AMPH: variants seen among roughly 807,000 people sequenced by gnomAD.
AMPH encodes amphiphysin, also known as amphiphysin (Stiff-Mann syndrome with breast cancer 128kD autoantigen).
A neutral mutation model predicts 99.1 loss-of-function variants in AMPH; 49 were observed. That is an observed-to-expected ratio of 0.49 (90% CI 0.39 to 0.63). The LOEUF is 0.63. Among genes scored for constraint, AMPH ranks in the 20% least tolerant of loss-of-function variants. The pLI, the probability that AMPH is intolerant of heterozygous loss-of-function variation, is 0.00. For synonymous variants in AMPH, 314 were observed against 317.3 expected (o/e 0.99, Z 0.11); for missense variants, 759 against 863.4 (o/e 0.88, Z 1.52).
chr7:38,543,435 A>T (rs531653722), intron 1 of AMPH, among the ~76,000 whole-genome samples: 58 of 152,188 alleles, frequency 3.8e-4, no homozygotes, highest in Non-Finnish European at 7.1e-4. Context: ...AAGCAGATAG[A>T]TAGAATATGT....
At chr7:38,515,475 ACCAT>A (rs1163192815) in intron 2 of AMPH, among the ~76,000 whole-genome samples, 10 of 152,170 alleles carry the variant, frequency 6.6e-5, no homozygotes, top group Admixed American at 2.0e-4. Context: ...TTCACCCTCC[ACCAT>A]GATTGTAAGT....
chr7:38,588,936 CCAAA>C (rs1170977745), intron 1 of AMPH, among the ~76,000 whole-genome samples: 1 of 151,976 alleles, frequency 6.6e-6, no homozygotes, highest in Admixed American at 6.6e-5. Flanking sequence ...TCTCCTGCCC[CCAAA>C]CAACCACTGA....
chr7:38,432,074 T>C (rs777818423), intron 13 of AMPH, 115 bp downstream of exon 13: 1 of 922,274 alleles, frequency 1.1e-6, no homozygotes. Flanking sequence ...TAGGGGACTA[T>C]ATCATCATTA....
chr7:38,405,366 C>T (rs187895926), intron 17 of AMPH, among the ~76,000 whole-genome samples: 1 of 152,066 alleles, frequency 6.6e-6, no homozygotes, highest in Non-Finnish European at 1.5e-5. Context: ...CAATATTAAA[C>T]TTGAGCATAA....
chr7:38,531,953 C>T (rs1487038220), intron 2 of AMPH, among the ~76,000 whole-genome samples: 1 of 152,088 alleles, frequency 6.6e-6, no homozygotes, highest in Non-Finnish European at 1.5e-5. Context: ...ATAGACCTTG[C>T]AGATGTAACC....
intron 2 of AMPH, among the ~76,000 whole-genome samples, chr7:38,505,801 T>A (rs976165476): frequency 2.0e-5 from 3 of 152,076 alleles, no homozygotes; most frequent in African/African-American, 4.8e-5. Flanking sequence ...AGTGGGTCTT[T>A]CCCCTACTAA....
chr7:38,471,424 T>G (rs1354371689), intron 7 of AMPH, among the ~76,000 whole-genome samples: 2 of 152,318 alleles, frequency 1.3e-5, no homozygotes, highest in East Asian at 3.9e-4. Flanking sequence ...ATTCTAGTAT[T>G]TCCTTTTTTA....
intron 15 of AMPH, among the ~76,000 whole-genome samples, chr7:38,425,064 T>G (rs1346056864): frequency 1.3e-5 from 2 of 152,236 alleles, no homozygotes; most frequent in African/African-American, 2.4e-5. Context: ...CATGTTCAGA[T>G]GTGTAACGTC....
intron 1 of AMPH, among the ~76,000 whole-genome samples, chr7:38,616,972 G>A (rs185801814): frequency 0.01 from 1,568 of 152,198 alleles, 30 homozygotes; most frequent in African/African-American, 0.036. Context: ...ACAGATAGAA[G>A]TAGATATAAA....
intron 17 of AMPH, among the ~76,000 whole-genome samples, chr7:38,394,458 G>A (rs1227756559): frequency 1.3e-5 from 2 of 152,198 alleles, no homozygotes; most frequent in Admixed American, 6.5e-5. Context: ...GTAGCAAATG[G>A]GATTAGAATG....
intron 1 of AMPH, among the ~76,000 whole-genome samples, chr7:38,615,617 A>G (rs1056271407): frequency 2.0e-5 from 3 of 150,520 alleles, no homozygotes; most frequent in African/African-American, 7.5e-5. Flanking sequence ...AAGTGAGGAT[A>G]ATGTCAGGGT....
intron 12 of AMPH, among the ~76,000 whole-genome samples, chr7:38,434,632 G>A (rs1169493538): frequency 8.6e-5 from 13 of 151,984 alleles, no homozygotes; most frequent in African/African-American, 2.4e-4. Context: ...CCAACTACTC[G>A]GGAGGCTGAG....
rs1306454003 is a variant in AMPH, at chr7:38,602,042, T to TA, written c.69+29240dup. Reference sequence around the variant, plus strand: ...TAAACGCCCTAAGGAAGGCAGCAAATAAAAGTCCTTCAACCTGGTCATCTC... The same window carrying TA: ...TAAACGCCCTAAGGAAGGCAGCAAATAAAAAGTCCTTCAACCTGGTCATCTC... On this transcript the variant is annotated intron_variant, in intron 1 of 20. Transcript: ENST00000356264. Among the ~76,000 whole-genome samples the TA allele has an allele frequency of 2.6e-5, 4 of 152,206 alleles. No homozygotes were observed. The South Asian group carries it at 8.3e-4, about 32-fold the overall frequency.
chr7:38,491,714 G>C (rs1394563301), intron 4 of AMPH, among the ~76,000 whole-genome samples: 1 of 152,178 alleles, frequency 6.6e-6, no homozygotes, highest in African/African-American at 2.4e-5. Flanking sequence ...ATTGTTTTAT[G>C]AGAAAAGACT....
At chr7:38,537,771 G>A (rs1790669024) in intron 1 of AMPH, among the ~76,000 whole-genome samples, 2 of 152,228 alleles carry the variant, frequency 1.3e-5, no homozygotes, top group Admixed American at 1.3e-4. Flanking sequence ...TATCAGGAAA[G>A]TGGTCCTGGA....
chr7:38,629,913 T>C (rs1048860588), intron 1 of AMPH, among the ~76,000 whole-genome samples: 1 of 152,036 alleles, frequency 6.6e-6, no homozygotes, highest in African/African-American at 2.4e-5. Context: ...GGGTAGATAT[T>C]AAAAGAAATA....
intron 11 of AMPH, among the ~76,000 whole-genome samples, chr7:38,448,432 C>G (rs772420157): frequency 2.6e-5 from 4 of 152,148 alleles, no homozygotes; most frequent in Non-Finnish European, 4.4e-5. Flanking sequence ...CCTATACACA[C>G]TATGTTTTTT....
chr7:38,540,990 C>T (rs1221647362), intron 1 of AMPH, among the ~76,000 whole-genome samples: 1 of 126,296 alleles, frequency 7.9e-6, no homozygotes, highest in Admixed American at 9.0e-5. Flanking sequence ...AACAAGGAGA[C>T]ACCTTTCTCT....
At chr7:38,611,272 T>C (rs2129066251) in intron 1 of AMPH, among the ~76,000 whole-genome samples, 1 of 152,210 alleles carries the variant, frequency 6.6e-6, no homozygotes, top group East Asian at 1.9e-4. Context: ...ATTCATAGAA[T>C]CAAAGAGTAG....
Sources: gnomAD v4.1 joint callset for allele counts (sites outside exome capture counted in the v4.1 genomes callset) on GRCh38, gnomAD v4.1.1 for gene constraint, MANE v1.5 for transcripts, NCBI Gene and HGNC (gene_info 2026-07-23, HGNC 2026-07-21) for gene names.